DCDC1: variants seen among roughly 807,000 people sequenced by gnomAD.
DCDC1 encodes the protein doublecortin domain containing 1, also known as doublecortin domain-containing protein 1.
Under a neutral mutation model 178.3 loss-of-function variants are expected in DCDC1, and 200 were observed. The ratio of observed to expected loss-of-function variants is 1.12; its 90% CI spans 1.00 to 1.26. The LOEUF is 1.26. DCDC1 is among the 50% of genes most tolerant of loss of function. DCDC1 has a pLI of 0.00. For missense variants in DCDC1, 1,983 were observed against 1,749.2 expected (o/e 1.13, Z -2.38); for synonymous variants, 690 against 604.8 (o/e 1.14, Z -2.07).
intron 7 of DCDC1, chr11:31,280,523 A>G: frequency 4.2e-6 from 1 of 240,918 alleles, no homozygotes; most frequent in Admixed American, 5.0e-5. Context: ...AGCTAGTCTT[A>G]GTTTTAAATC....
rs376158052 is a variant in DCDC1, at chr11:31,106,902, T to C, written c.1646A>G (p.Asn549Ser). The change falls in exon 13 of 39, where the codon AAT becomes AGT. Residue 549 changes from asparagine to serine, a missense_variant. Transcript: ENST00000684477. ...QGSSINPPGL[N>S]YSSMRLFDEN... is the part of the protein sequence containing the mutation. ...ATCAAAAAGCCGCATTGAAGAATAA[T>C]TGAGGCCTGGTGGGTTGATGGAAGA... The C allele has an allele frequency of 7.8e-6, 6 of 766,010 alleles. No homozygotes were observed. The highest frequency in any genetic ancestry group is 6.8e-5 in the African/African-American group (4 of 59,100). 47.5% of individuals were successfully genotyped at this position (766,010 alleles called of 1,614,324 possible). A position where few individuals can be genotyped will look rare whatever the true frequency, so the allele number is the denominator to read the frequency against.
At chr11:30,882,948 A>G (rs1942821874) in intron 36 of DCDC1, 1 of 152,210 alleles carries the variant, frequency 6.6e-6, no homozygotes, top group African/African-American at 2.4e-5. Context: ...CACAGCTTAA[A>G]GGAAAGGAGT....
rs2756190 is a variant in DCDC1 at position 31,193,801 on chromosome 11, A to G, written c.1221+47649T>C. On this transcript the variant is annotated intron_variant, in intron 9 of 38. Transcript: ENST00000684477. ...CTGTCAACCATGCTAACTCACACAG[A>G]GAGTTGCTTACTTGATTCTACCAAG... is the stretch of plus-strand genomic sequence containing the variant. Among the ~76,000 whole-genome samples, 1,218 of 152,246 alleles carry G rather than the reference A, an allele frequency of 8.0e-3. 12 individuals carry two copies. Among genetic ancestry groups the G allele is most frequent in the African/African-American group, 0.028 (1,159 of 41,558 alleles).
chr11:31,180,374 T>C (rs1968623821), intron 9 of DCDC1, among the ~76,000 whole-genome samples: 1 of 152,188 alleles, frequency 6.6e-6, no homozygotes, highest in African/African-American at 2.4e-5. Context: ...TTATATAACA[T>C]AGATATATAT....
At chr11:30,913,611 G>A (rs768330843) in intron 27 of DCDC1, among the ~76,000 whole-genome samples, 1 of 152,110 alleles carries the variant, frequency 6.6e-6, no homozygotes, top group African/African-American at 2.4e-5. Flanking sequence ...GTCTTGACAT[G>A]AGGAGCTCCC....
rs1040269399 is a variant in DCDC1, at chr11:30,878,632, C to G, written c.5313G>C (p.Val1771=). Residue 1771 remains valine, a synonymous_variant, in exon 38 of 39, where the codon GTG becomes GTC. Transcript: ENST00000684477. ...ACAGCAGCTTCGTGGATGGTGACAC[C>G]ACAATGTCTGTGGCTTGAGGGCCCT... ...RQQGPQATDI[V]VSPSTKLLSL... 2 of 1,610,996 alleles carry G rather than the reference C, an allele frequency of 1.2e-6. No individual in the cohort carries two copies. Among genetic ancestry groups the G allele is most frequent in the African/African-American group, 2.7e-5 (2 of 74,506 alleles).
At chr11:30,886,646 C>A (rs572197008) in intron 36 of DCDC1, among the ~76,000 whole-genome samples, 46 of 152,300 alleles carry the variant, frequency 3.0e-4, no homozygotes, top group African/African-American at 1.1e-3. Flanking sequence ...CTTAAGACCT[C>A]ATTTAACCTT....
rs1285171848 is a variant in DCDC1, at chr11:30,915,614, A to G, written c.3550T>C (p.Leu1184=). 1 of 1,613,886 alleles carries G rather than the reference A, an allele frequency of 6.2e-7. No homozygotes were observed. The highest frequency in any genetic ancestry group is 1.3e-5 in the African/African-American group (1 of 74,938). Residue 1184 remains leucine (L), a synonymous_variant, in exon 27 of 39, where the codon TTG becomes CTG. Transcript: ENST00000684477. The part of the protein sequence containing the change: ...IISHAAPQLV[L]GVQGPNLRSG... ...CGGAGATTGGGACCTTGAACCCCCA[A>G]GACTAGCTGAGGAGCAGCATGGCTT...
At chr11:31,273,524 C>T (rs1945740785) in intron 7 of DCDC1, among the ~76,000 whole-genome samples, 1 of 152,206 alleles carries the variant, frequency 6.6e-6, no homozygotes, top group Non-Finnish European at 1.5e-5. Context: ...AAGACCACCT[C>T]AGCCTGGACT....
At chr11:31,116,187 G>A (rs991061281) in intron 11 of DCDC1, among the ~76,000 whole-genome samples, 3 of 151,710 alleles carry the variant, frequency 2.0e-5, no homozygotes, top group African/African-American at 4.8e-5. Context: ...AAGGGGCAGG[G>A]AAATCTTTAG....
intron 7 of DCDC1, among the ~76,000 whole-genome samples, chr11:31,269,404 A>G (rs1945395579): frequency 6.6e-6 from 1 of 150,746 alleles, no homozygotes; most frequent in Non-Finnish European, 1.5e-5. Flanking sequence ...TCTTTTTGAG[A>G]CAGAGTCTTG....
intron 22 of DCDC1, among the ~76,000 whole-genome samples, chr11:30,929,247 A>G (rs1217132184): frequency 6.6e-6 from 1 of 152,104 alleles, no homozygotes; most frequent in Non-Finnish European, 1.5e-5. Flanking sequence ...ATCATAACAT[A>G]GCAGATTGTA....
At chr11:30,997,102 G>A (rs1951315059) in intron 20 of DCDC1, among the ~76,000 whole-genome samples, 2 of 152,224 alleles carry the variant, frequency 1.3e-5, no homozygotes, top group Non-Finnish European at 2.9e-5. Context: ...TGTATTTTAT[G>A]ATTCCATTTT....
At position 30,925,682 on chromosome 11, in the gene DCDC1, T is replaced by A. The variant is rs116827830; in HGVS notation, c.2898-274A>T. Among the ~76,000 whole-genome samples the A allele has an allele frequency of 9.9e-4, 151 of 152,276 alleles. 2 individuals carry two copies. The highest frequency in any genetic ancestry group is 3.3e-3 in the African/African-American group (139 of 41,560). ...ATTAAAGGTTGATTTTGAAAAGAGC[T>A]CTTAGCACAGTCCCAGACATGACCA... On this transcript the variant is annotated intron_variant, in intron 22 of 38. Coordinates refer to ENST00000684477, the MANE Select transcript of DCDC1 (RefSeq NM_001387274.1).
intron 9 of DCDC1, among the ~76,000 whole-genome samples, chr11:31,189,423 CATA>C (rs1969884955): frequency 6.6e-6 from 1 of 152,144 alleles, no homozygotes; most frequent in African/African-American, 2.4e-5. Context: ...TCTGTTTTTT[CATA>C]ATACCTTCTT....
intron 20 of DCDC1, among the ~76,000 whole-genome samples, chr11:30,964,906 T>C (rs1010065342): frequency 6.6e-6 from 1 of 152,156 alleles, no homozygotes; most frequent in African/African-American, 2.4e-5. Context: ...CAGCATGTCA[T>C]GTCGATCAGA....
intron 19 of DCDC1, 27 bp downstream of exon 19, chr11:31,064,992 G>T: frequency 2.8e-6 from 2 of 714,988 alleles, no homozygotes; most frequent in South Asian, 1.5e-5. Context: ...AGCTATTTCT[G>T]TCTTGCCTCT....
rs185071842 is a variant in DCDC1 at position 31,022,423 on chromosome 11, A to G, written c.2591+42046T>C. The stretch of plus-strand genomic sequence containing the variant: ...GGATGGGAGCTCACCTTAATTTGGT[A>G]TAACCTCATCTTAAATTGATTATAT... On this transcript the variant is annotated intron_variant, in intron 20 of 38. Coordinates refer to ENST00000684477, the MANE Select transcript of DCDC1 (RefSeq NM_001387274.1). Among the ~76,000 whole-genome samples, 11 of 152,238 alleles carry G rather than the reference A, an allele frequency of 7.2e-5. No homozygotes were observed. The East Asian group carries it at 1.4e-3, about 19-fold the overall frequency.
chr11:31,346,832 G>A (rs1467305296), intron 1 of DCDC1, among the ~76,000 whole-genome samples: 1 of 152,072 alleles, frequency 6.6e-6, no homozygotes, highest in East Asian at 1.9e-4. Context: ...GTACATGGAG[G>A]TTTTACCGTT....
Sources: allele counts gnomAD v4.1 joint callset (sites outside exome capture counted in the v4.1 genomes callset), GRCh38; gene constraint gnomAD v4.1.1; transcripts MANE v1.5; gene names NCBI Gene and HGNC (gene_info 2026-07-23, HGNC 2026-07-21).